PRKDC: variants seen among roughly 807,000 people sequenced by gnomAD.
The protein encoded by PRKDC is DNA-dependent protein kinase catalytic subunit.
Under a neutral mutation model 486.9 loss-of-function variants are expected in PRKDC, and 82 were observed. The ratio of observed to expected loss-of-function variants is 0.17; its 90% CI spans 0.14 to 0.20. The LOEUF (loss-of-function observed/expected upper bound fraction) is 0.20. PRKDC is among the 10% of genes least tolerant of loss of function. PRKDC has a pLI of 1.00. For synonymous variants in PRKDC, 1,895 were observed against 1,837.0 expected, an observed-to-expected ratio of 1.03 and a Z score of -0.81; for missense variants, 4,504 against 5,038.2, an observed-to-expected ratio of 0.89 and a Z score of 3.21.
intron 76 of PRKDC, among the ~76,000 whole-genome samples, chr8:47,785,729 G>C (rs552295676): frequency 4.1e-5 from 6 of 146,090 alleles, no homozygotes; most frequent in African/African-American, 1.5e-4. Context: ...GAGTGAGACC[G>C]TGTCTCTAAA....
At chr8:47,843,042 G>C (rs1287162782) in intron 54 of PRKDC, among the ~76,000 whole-genome samples, 1 of 152,164 alleles carries the variant, frequency 6.6e-6, no homozygotes, top group East Asian at 1.9e-4. Flanking sequence ...GTGCATGCCT[G>C]TGGTCCCAGC....
chr8:47,871,813 A>G (rs2088959274), intron 40 of PRKDC, among the ~76,000 whole-genome samples: 1 of 151,520 alleles, frequency 6.6e-6, no homozygotes, highest in African/African-American at 2.4e-5. Flanking sequence ...TTGGTCTCAA[A>G]CTCCTGACCT....
chr8:47,803,006 C>T (rs1369562681), intron 70 of PRKDC, among the ~76,000 whole-genome samples: 9 of 152,202 alleles, frequency 5.9e-5, no homozygotes. Flanking sequence ...CCAGGATGTT[C>T]TCGATCTCCT....
intron 7 of PRKDC, 86 bp downstream of exon 7, chr8:47,953,534 G>T: frequency 1.6e-6 from 2 of 1,236,356 alleles, no homozygotes; most frequent in Non-Finnish European, 2.3e-6. Context: ...ATTCAGGATT[G>T]GTTAAGAGTT....
At chr8:47,944,914 A>G (rs2090506189) in intron 7 of PRKDC, among the ~76,000 whole-genome samples, 1 of 152,210 alleles carries the variant, frequency 6.6e-6, no homozygotes, top group African/African-American at 2.4e-5. Flanking sequence ...TGGTGGCATA[A>G]ATGAGATACA....
chr8:47,889,169 C>T lies in PRKDC; in HGVS notation c.4125G>A (p.Thr1375=), dbSNP rs369402421. The change falls in exon 33 of 86, where the codon ACG becomes ACA. Residue 1375 remains threonine, a synonymous_variant. Transcript: ENST00000314191. ...AACCTATGCTTGCGGGCTCACACAG[C>T]GTCTGCACCAGGACTCTCATCAGGT... is the stretch of plus-strand genomic sequence containing the variant. ...NTHLMRVLVQ[T]LCEPASIGFN... 16 of 1,613,876 alleles carry T rather than the reference C, an allele frequency of 9.9e-6. No homozygotes were observed. The highest frequency in any genetic ancestry group is 2.2e-5 in the East Asian group (1 of 44,884).
rs756776422 is a variant in PRKDC at position 47,807,228 on chromosome 8, T to C, written c.9656A>G (p.Glu3219Gly). Residue 3219 changes from glutamate to glycine, a missense_variant, in exon 69 of 86, where the codon GAA (glutamate) becomes GGA (glycine). Coordinates refer to ENST00000314191, the MANE Select transcript of PRKDC (RefSeq NM_006904.7). ...GATATCTTCTTCCTGCTCTTGCACTTCCATCCTGTCACTGGGGTCTCCATC... is the reference window on the plus strand; with the variant it reads ...GATATCTTCTTCCTGCTCTTGCACTCCCATCCTGTCACTGGGGTCTCCATC... Reference protein sequence around the residue: ...DQDGDPSDRMEVQEQEEDISS... With the variant: ...DQDGDPSDRMGVQEQEEDISS... 6.2e-7 allele frequency: 1 copy of C among 1,613,930 alleles called. No individual in the cohort carries two copies. Among genetic ancestry groups the C allele is most frequent in the South Asian group, 1.1e-5 (1 of 91,072 alleles).
At chr8:47,774,972 G>A (rs2086579096) in intron 85 of PRKDC, among the ~76,000 whole-genome samples, 1 of 151,956 alleles carries the variant, frequency 6.6e-6, no homozygotes, top group South Asian at 2.1e-4. Flanking sequence ...TGGCTCGCCT[G>A]AGGTCAGGAG....
At chr8:47,923,103 G>A (rs536384498) in intron 21 of PRKDC, among the ~76,000 whole-genome samples, 129 of 149,464 alleles carry the variant, frequency 8.6e-4, no homozygotes, top group Non-Finnish European at 1.5e-3. Flanking sequence ...TCACTCTGTC[G>A]CCCAGGCTGG....
intron 30 of PRKDC, among the ~76,000 whole-genome samples, chr8:47,894,313 A>C (rs567229797): frequency 3.3e-5 from 5 of 152,326 alleles, no homozygotes; most frequent in Non-Finnish European, 7.3e-5. Context: ...TTGTATATTA[A>C]GAGGAGGAAT....
In PRKDC at chr8:47,836,348, T is replaced by C; in HGVS notation, c.7941A>G (p.Thr2647=). 6.3e-7 allele frequency: 1 copy of C among 1,592,504 alleles called. No individual in the cohort carries two copies. The highest frequency in any genetic ancestry group is 8.6e-7 in the Non-Finnish European group (1 of 1,167,350). The change falls in exon 58 of 86, where the codon ACA becomes ACG. Residue 2647 remains threonine, a synonymous_variant. Coordinates refer to ENST00000314191, the MANE Select transcript of PRKDC (RefSeq NM_006904.7). ...ATQQQHDFTL[T]QTADGRSSFD... ...CAGGGTCACTGTTACCTGCAGTCTG[T>C]GTCAGTGTGAAGTCATGCTGCTGCT...
intron 40 of PRKDC, among the ~76,000 whole-genome samples, chr8:47,876,624 G>A (rs1194031271): frequency 2.0e-5 from 3 of 150,132 alleles, no homozygotes; most frequent in South Asian, 2.1e-4. Flanking sequence ...TCATGCCACC[G>A]CACTCCAGCC....
intron 40 of PRKDC, among the ~76,000 whole-genome samples, chr8:47,868,076 G>A (rs1450873246): frequency 2.6e-5 from 4 of 152,156 alleles, no homozygotes; most frequent in Non-Finnish European, 2.9e-5. Flanking sequence ...GGGTGTTGCT[G>A]AATAGCTTAA....
rs2088624936 is a variant in PRKDC, at chr8:47,859,593, T to C, written c.6207+18A>G. On this transcript the variant is annotated intron_variant, in intron 46 of 85. Coordinates refer to ENST00000314191, the MANE Select transcript of PRKDC (RefSeq NM_006904.7). ...ACAAACATCGACAATATTCTTTTAG[T>C]ATGTGAAATGTGATCACCCGTCTCC... is the stretch of plus-strand genomic sequence containing the variant. 2.5e-6 allele frequency: 4 copies of C among 1,607,636 alleles called. No homozygotes were observed. Among genetic ancestry groups the C allele is most frequent in the Non-Finnish European group, 1.7e-6 (2 of 1,175,912 alleles).
rs1280240739 is a variant in PRKDC at position 47,852,729 on chromosome 8, C to T, written c.6949G>A (p.Ala2317Thr). ...AGTCCTAGAACTTCTGCTGCAGCGG[C>T]ATACACTTCTTTATATCTTACAAAG... ...MSFVRYKEVY[A>T]AAAEVLGLIL... The change falls in exon 52 of 86, where the codon GCC (alanine) becomes ACC (threonine). Residue 2317 changes from alanine (A) to threonine (T), a missense_variant. Physicochemically the swap from Ala to Thr is moderately conservative, Grantham distance 58 (BLOSUM62 0). Transcript: ENST00000314191. The T allele has an allele frequency of 2.5e-6, 4 of 1,581,836 alleles. No individual in the cohort carries two copies. The highest frequency in any genetic ancestry group is 1.8e-5 in the Admixed American group (1 of 55,394).
In PRKDC at chr8:47,828,325, T is replaced by A. The variant is rs376185837; in HGVS notation, c.8420A>T (p.Gln2807Leu). The change falls in exon 62 of 86, where the codon CAG becomes CTG. Residue 2807 changes from glutamine (Q) to leucine (L), a missense_variant. By Grantham distance (113) the Gln-to-Leu change is moderately radical. Around this residue, in one of 6 missense-constraint regions of PRKDC, gnomAD observed 1,592 missense variants for 1,724.6 expected, o/e 0.92. Coordinates refer to ENST00000314191, the MANE Select transcript of PRKDC (RefSeq NM_006904.7). ...TCCAGAAAACAAGCTGCTAAAGAGCTGTTTTGCAATTATTGGGTCCCTCTG... is the reference window on the plus strand; with the variant it reads ...TCCAGAAAACAAGCTGCTAAAGAGCAGTTTTGCAATTATTGGGTCCCTCTG... ...VAQRDPIIAK[Q>L]LFSSLFSGIL... The A allele has an allele frequency of 2.5e-6, 4 of 1,577,464 alleles. No homozygotes were observed. The highest frequency in any genetic ancestry group is 2.3e-5 in the East Asian group (1 of 44,344).
intron 7 of PRKDC, among the ~76,000 whole-genome samples, chr8:47,947,252 T>C (rs1273533985): frequency 6.6e-6 from 1 of 152,192 alleles, no homozygotes; most frequent in Non-Finnish European, 1.5e-5. Flanking sequence ...TCACGACTTC[T>C]GCGTTACATC....
At chr8:47,789,495 G>A (rs1226273707) in intron 74 of PRKDC, among the ~76,000 whole-genome samples, 1 of 151,772 alleles carries the variant, frequency 6.6e-6, no homozygotes, top group Non-Finnish European at 1.5e-5. Flanking sequence ...AATTAATACC[G>A]ATCCTACTCA....
In PRKDC at chr8:47,862,532, G is replaced by A. The variant is rs188014107; in HGVS notation, c.5760C>T (p.Tyr1920=). 3.9e-5 allele frequency: 63 copies of A among 1,606,864 alleles called. No homozygotes were observed. The East Asian group carries it at 9.8e-4, about 25-fold the overall frequency. The part of the protein sequence containing the change: ...ELTKTLIKLC[Y]DAFTENMAGE... Reference sequence around the variant, plus strand: ...CTGCCATGTTCTCTGTAAATGCATCGTAGCACAATCTGCAGAGAGATCCAT... The same window carrying A: ...CTGCCATGTTCTCTGTAAATGCATCATAGCACAATCTGCAGAGAGATCCAT... Residue 1920 remains tyrosine, a synonymous_variant, in exon 43 of 86, where the codon TAC becomes TAT. Transcript: ENST00000314191.
Sources: allele counts gnomAD v4.1 joint callset (sites outside exome capture counted in the v4.1 genomes callset), GRCh38; gene constraint gnomAD v4.1.1; regional missense constraint gnomAD v4.1.1; transcripts MANE v1.5; gene names NCBI Gene and HGNC (gene_info 2026-07-23, HGNC 2026-07-21).